GPR157: variants seen among roughly 807,000 people sequenced by gnomAD.
The protein encoded by GPR157 is G protein-coupled receptor 157, also known as G-protein coupled receptor 157.
Under a neutral mutation model 23.5 loss-of-function variants are expected in GPR157, and 16 were observed. The ratio of observed to expected loss-of-function variants is 0.68; its 90% CI spans 0.46 to 1.04. The LOEUF (loss-of-function observed/expected upper bound fraction) is 1.04. Among genes scored for constraint, GPR157 ranks in the 50% least tolerant of loss-of-function variants. The pLI, the probability that GPR157 is intolerant of heterozygous loss-of-function variation, is 0.00. For missense variants in GPR157, 440 were observed against 460.7 expected (o/e 0.96, Z 0.41); for synonymous variants, 200 against 221.5 (o/e 0.90, Z 0.86).
chr1:9,114,372 G>A (rs1015706760), intron 1 of GPR157, among the ~76,000 whole-genome samples: 6 of 146,422 alleles, frequency 4.1e-5, no homozygotes, highest in African/African-American at 7.5e-5. Context: ...GTGCCACCAC[G>A]CCAATCCTCT....
rs1345252076 is a variant in GPR157 at position 9,100,613 on chromosome 1, G to A, written c.*3806C>T. Reference sequence around the variant, plus strand: ...AAAGACCAAAGTTCAGAAAGTGCATGGGAGAGGGACGCTGAGCTGCGGACA... The same window carrying A: ...AAAGACCAAAGTTCAGAAAGTGCATAGGAGAGGGACGCTGAGCTGCGGACA... On this transcript the variant is annotated 3_prime_UTR_variant, in exon 4 of 4. Coordinates refer to ENST00000377411, the MANE Select transcript of GPR157 (RefSeq NM_024980.5). The A allele has an allele frequency of 6.6e-6, 1 of 152,252 alleles. No homozygotes were observed. The highest frequency in any genetic ancestry group is 1.5e-5 in the Non-Finnish European group (1 of 68,052). 9.4% of individuals were successfully genotyped at this position (152,252 alleles called of 1,614,324 possible).
intron 1 of GPR157, among the ~76,000 whole-genome samples, chr1:9,112,432 C>T (rs778419220): frequency 6.6e-6 from 1 of 152,104 alleles, no homozygotes; most frequent in Non-Finnish European, 1.5e-5. Flanking sequence ...CAGGTAGGGG[C>T]CCCTCTAAGG....
At position 9,105,727 on chromosome 1, in the gene GPR157, C is replaced by G. The variant is rs375793392; in HGVS notation, c.598-47G>C. On this transcript the variant is annotated intron_variant, in intron 2 of 3. Coordinates refer to ENST00000377411, the MANE Select transcript of GPR157 (RefSeq NM_024980.5). The surrounding 1 kb of genome is among the most constrained non-coding windows in gnomAD (Gnocchi z 4.8). ...AGACTTGAGTGGATAGGCACCCTCC[C>G]GCCACGTCCACCCAGGCTGCCCAGG... The G allele has an allele frequency of 8.6e-6, 13 of 1,510,348 alleles. No homozygotes were observed. Among genetic ancestry groups the G allele is most frequent in the Non-Finnish European group, 8.1e-6 (9 of 1,115,468 alleles). The allele number at this position is 1,510,348 out of a possible 1,614,324, so 93.6% of individuals were successfully genotyped here. A position where few individuals can be genotyped will look rare whatever the true frequency, so the allele number is the denominator to read the frequency against.
At chr1:9,123,712 G>A (rs963517609) in intron 1 of GPR157, among the ~76,000 whole-genome samples, 149 of 82,434 alleles carry the variant, frequency 1.8e-3, no homozygotes, top group African/African-American at 7.9e-3. Flanking sequence ...TTTTAAATAT[G>A]TATTTATATA....
chr1:9,123,761 T>TAA (rs1491164897), intron 1 of GPR157, among the ~76,000 whole-genome samples: 3 of 129,350 alleles, frequency 2.3e-5, no homozygotes, highest in Non-Finnish European at 3.2e-5. Flanking sequence ...TATTTAATAT[T>TAA]ATATATATTT....
intron 1 of GPR157, among the ~76,000 whole-genome samples, chr1:9,125,225 C>CT (rs960317813): frequency 4.0e-5 from 6 of 150,788 alleles, no homozygotes; most frequent in East Asian, 3.9e-4. Context: ...TTTTCTTTTT[C>CT]TTTTTTTTTG....
At chr1:9,123,235 T>A (rs1638844499) in intron 1 of GPR157, among the ~76,000 whole-genome samples, 1 of 69,064 alleles carries the variant, frequency 1.4e-5, no homozygotes, top group African/African-American at 8.1e-5. Flanking sequence ...TATATTTAAA[T>A]ATATATTAAT....
intron 3 of GPR157, among the ~76,000 whole-genome samples, chr1:9,104,868 G>T (rs1018689317): frequency 6.6e-6 from 1 of 151,912 alleles, no homozygotes; most frequent in Non-Finnish European, 1.5e-5. Context: ...GGGCATGGTG[G>T]TGGGCGCCTG....
chr1:9,125,927 A>G (rs1409655534), intron 1 of GPR157, among the ~76,000 whole-genome samples: 1 of 152,056 alleles, frequency 6.6e-6, no homozygotes. Context: ...ACTGTAGAAA[A>G]ATGCCAGTGA....
At chr1:9,115,424 A>T (rs1196621441) in intron 1 of GPR157, among the ~76,000 whole-genome samples, 1 of 152,214 alleles carries the variant, frequency 6.6e-6, no homozygotes, top group Non-Finnish European at 1.5e-5. Context: ...GGATGCAATC[A>T]GCAAATGAGA....
chr1:9,128,576 G>A lies in GPR157; in HGVS notation c.383+69C>T. The stretch of plus-strand genomic sequence containing the variant: ...GTGTCCAACCTAGACGCGGCCTCTG[G>A]GAGGGCAAGACCGGGAGGGGTCGGC... On this transcript the variant is annotated intron_variant, in intron 1 of 3. Transcript: ENST00000377411. The surrounding 1 kb of genome is among the most constrained non-coding windows in gnomAD (Gnocchi z 6.3). The A allele has an allele frequency of 6.8e-7, 1 of 1,477,664 alleles. No homozygotes were observed. The highest frequency in any genetic ancestry group is 9.4e-7 in the Non-Finnish European group (1 of 1,067,418). 91.5% of individuals were successfully genotyped at this position (1,477,664 alleles called of 1,614,324 possible).
rs1431832965 is a variant in GPR157 at position 9,116,375 on chromosome 1, A to T, written c.384-4886T>A. Reference sequence around the variant, plus strand: ...TTATATATAAATTATATATATATATATTTTTTCACCACAGAGATATGATAG... The same window carrying T: ...TTATATATAAATTATATATATATATTTTTTTTCACCACAGAGATATGATAG... On this transcript the variant is annotated intron_variant, in intron 1 of 3. Transcript: ENST00000377411. Among the ~76,000 whole-genome samples, 6 of 73,922 alleles carry T rather than the reference A, an allele frequency of 8.1e-5. 2 individuals are homozygous for T. Among genetic ancestry groups the T allele is most frequent in the Non-Finnish European group, 1.5e-4 (6 of 41,310 alleles). 48.5% of individuals were successfully genotyped at this position (73,922 alleles called of 152,430 possible).
rs1486395450 is a variant in GPR157 at position 9,104,222 on chromosome 1, G to A, written c.*197C>T. ...ACCCGTGGGCCAGGACGCTGGTACCGGTGGAACTTGCTGCCTGAGGATCTA... is the reference window on the plus strand; with the variant it reads ...ACCCGTGGGCCAGGACGCTGGTACCAGTGGAACTTGCTGCCTGAGGATCTA... On this transcript the variant is annotated 3_prime_UTR_variant, in exon 4 of 4. Coordinates refer to ENST00000377411, the MANE Select transcript of GPR157 (RefSeq NM_024980.5). 10 of 580,782 alleles carry A rather than the reference G, an allele frequency of 1.7e-5. No homozygotes were observed. Among genetic ancestry groups the A allele is most frequent in the South Asian group, 8.5e-5 (4 of 47,110 alleles). 36.0% of individuals were successfully genotyped at this position (580,782 alleles called of 1,614,324 possible).
At chr1:9,112,313 G>A (rs576678140) in intron 1 of GPR157, among the ~76,000 whole-genome samples, 1 of 152,350 alleles carries the variant, frequency 6.6e-6, no homozygotes, top group African/African-American at 2.4e-5. Context: ...TCTAGGAGGG[G>A]GAACGTGGGC....
In GPR157 at chr1:9,128,420, G is replaced by A. The variant is rs1424896782; in HGVS notation, c.383+225C>T. On this transcript the variant is annotated intron_variant, in intron 1 of 3. Transcript: ENST00000377411. This position sits in a 1 kb window ranked among gnomAD's most constrained non-coding sequence, Gnocchi z 6.3. Reference sequence around the variant, plus strand: ...CGAACTCTGTCCCCACTACCCCAAGGGGCTGTGCCCTGGGGCAGGCACAGC... The same window carrying A: ...CGAACTCTGTCCCCACTACCCCAAGAGGCTGTGCCCTGGGGCAGGCACAGC... 3 of 693,902 alleles carry A rather than the reference G, an allele frequency of 4.3e-6. No homozygotes were observed. Among genetic ancestry groups the A allele is most frequent in the South Asian group, 3.0e-5 (2 of 66,280 alleles). 43.0% of individuals were successfully genotyped at this position (693,902 alleles called of 1,614,324 possible).
rs966312736 is a variant in GPR157 at position 9,128,174 on chromosome 1, C to A, written c.383+471G>T. The A allele has an allele frequency of 2.3e-6, 1 of 431,580 alleles. No individual in the cohort carries two copies. The highest frequency in any genetic ancestry group is 2.6e-5 in the Admixed American group (1 of 38,728). 26.7% of individuals were successfully genotyped at this position (431,580 alleles called of 1,614,324 possible). ...ACTGTACAGCAGAGACACGGCAGCT[C>A]GGGAGTGGCGGAGTGCACCAAGCTC... On this transcript the variant is annotated intron_variant, in intron 1 of 3. Transcript: ENST00000377411. This position sits in a 1 kb window ranked among gnomAD's most constrained non-coding sequence, Gnocchi z 6.3.
At position 9,111,283 on chromosome 1, in the gene GPR157, T is replaced by C. The variant is rs745803106; in HGVS notation, c.590A>G (p.Asn197Ser). The C allele has an allele frequency of 1.9e-6, 3 of 1,614,028 alleles. No individual in the cohort carries two copies. Among genetic ancestry groups the C allele is most frequent in the African/African-American group, 2.7e-5 (2 of 74,948 alleles). ...LLYLLVRKHI[N>S]RAHTALSEYR... Reference sequence around the variant, plus strand: ...TCTAAGGGCAGCGCCTACCGCTCTGTTGATGTGCTTCCGGACCAGGAGGTA... The same window carrying C: ...TCTAAGGGCAGCGCCTACCGCTCTGCTGATGTGCTTCCGGACCAGGAGGTA... Residue 197 changes from asparagine (N) to serine (S), a missense_variant, in exon 2 of 4, where the codon AAC (asparagine) becomes AGC (serine). Physicochemically the swap from Asn to Ser is conservative, Grantham distance 46. Coordinates refer to ENST00000377411, the MANE Select transcript of GPR157 (RefSeq NM_024980.5).
At chr1:9,115,864 G>T in intron 1 of GPR157, among the ~76,000 whole-genome samples, 2 of 144,780 alleles carry the variant, frequency 1.4e-5, no homozygotes, top group African/African-American at 2.6e-5. Flanking sequence ...AAGTTTTATT[G>T]CAACACAGGC....
intron 1 of GPR157, among the ~76,000 whole-genome samples, chr1:9,119,768 T>C (rs1219881618): frequency 2.0e-5 from 3 of 152,230 alleles, no homozygotes; most frequent in Admixed American, 6.5e-5. Flanking sequence ...AAGCCATTCA[T>C]ACTTGTCAGG....
Sources: allele counts gnomAD v4.1 joint callset (sites outside exome capture counted in the v4.1 genomes callset), GRCh38; gene constraint gnomAD v4.1.1; non-coding constraint Gnocchi (gnomAD v3.1); transcripts MANE v1.5; gene names NCBI Gene and HGNC (gene_info 2026-07-23, HGNC 2026-07-21).